CTNNA3: variants seen among roughly 807,000 people sequenced by gnomAD.
CTNNA3 encodes catenin alpha-3.
A neutral mutation model predicts 95.7 loss-of-function variants in CTNNA3; 76 were observed. That is an observed-to-expected ratio of 0.79 (90% confidence interval 0.66 to 0.96). The LOEUF (loss-of-function observed/expected upper bound fraction) is 0.96. Among genes scored for constraint, CTNNA3 ranks in the 40% least tolerant of loss-of-function variants. CTNNA3 has a pLI of 0.00. For synonymous variants in CTNNA3, 431 were observed against 374.4 expected (o/e 1.15, Z -1.74); for missense variants, 1,191 against 1,089.8 (o/e 1.09, Z -1.31).
Position 67,079,462 on chromosome 10 carries a change from G to A in CTNNA3, c.1047+100855C>T, listed in dbSNP as rs536638997. Among the ~76,000 whole-genome samples the A allele has an allele frequency of 3.9e-4, 60 of 152,204 alleles. 1 individual carries two copies. The South Asian group carries it at 4.8e-3, about 12-fold the overall frequency. On this transcript the variant is annotated intron_variant, in intron 7 of 17. Transcript: ENST00000433211. ...AAACCCCAATAAAGCCAATAAATTCGCAAATATCTCCCGAGGATCAGAGGA... is the reference window on the plus strand; with the variant it reads ...AAACCCCAATAAAGCCAATAAATTCACAAATATCTCCCGAGGATCAGAGGA...
intron 1 of CTNNA3, chr10:67,750,618 A>G (rs879218417): frequency 2.5e-5 from 39 of 1,549,920 alleles, no homozygotes; most frequent in Non-Finnish European, 3.3e-5. Context: ...CTTATTCACT[A>G]GCACAGGGAT....
intron 5 of CTNNA3, among the ~76,000 whole-genome samples, chr10:67,221,810 G>C (rs377523511): frequency 3.3e-5 from 5 of 152,112 alleles, no homozygotes; most frequent in South Asian, 2.1e-4. Context: ...TTCTGACCTT[G>C]TGATCCGCCC....
rs369879304 is a variant in CTNNA3 at position 66,838,768 on chromosome 10, G to C, written c.1048-63244C>G. On this transcript the variant is annotated intron_variant, in intron 7 of 17. Transcript: ENST00000433211. ...TTTTTGTTACATTGAATGCATTGAT[G>C]TAGAAGCACTAAGACTTCGCTGAAT... 1.1e-4 allele frequency among the ~76,000 whole-genome samples: 16 copies of C among 152,294 alleles called. No homozygotes were observed. The East Asian group carries it at 2.9e-3, about 28-fold the overall frequency.
At chr10:66,687,371 C>T (rs1026414449) in intron 9 of CTNNA3, among the ~76,000 whole-genome samples, 37 of 152,090 alleles carry the variant, frequency 2.4e-4, no homozygotes, top group Middle Eastern at 3.4e-3. Context: ...TTCTTCTCAG[C>T]GAATTTCATT....
At chr10:65,946,693 T>G (rs576508209) in intron 17 of CTNNA3, among the ~76,000 whole-genome samples, 1 of 152,286 alleles carries the variant, frequency 6.6e-6, no homozygotes, top group East Asian at 1.9e-4. Context: ...CAAATGAAAG[T>G]ACTTTATTTC....
intron 5 of CTNNA3, among the ~76,000 whole-genome samples, chr10:67,429,278 T>A (rs1263712974): frequency 1.3e-5 from 2 of 152,046 alleles, no homozygotes; most frequent in Non-Finnish European, 2.9e-5. Context: ...ATAAAATGAT[T>A]TAGTTTGCAT....
intron 11 of CTNNA3, among the ~76,000 whole-genome samples, chr10:66,462,945 A>G (rs2093539410): frequency 6.6e-6 from 1 of 152,170 alleles, no homozygotes; most frequent in Non-Finnish European, 1.5e-5. Context: ...TCTAAAATTA[A>G]AGTTCAAAAT....
chr10:66,685,583 A>G (rs1847267872), intron 9 of CTNNA3, among the ~76,000 whole-genome samples: 1 of 150,718 alleles, frequency 6.6e-6, no homozygotes, highest in Admixed American at 6.6e-5. Context: ...CATGTTAGCC[A>G]GGATGGTCTC....
rs1037365697 is a variant in CTNNA3, at chr10:67,609,030, C to T, written c.100-1981G>A. On this transcript the variant is annotated intron_variant, in intron 2 of 17. Coordinates refer to ENST00000433211, the MANE Select transcript of CTNNA3 (RefSeq NM_013266.4). ...GCTTGAACCCGGCAGGCAGAGGTTG[C>T]GGTGAGCCGAAATCACGCCATTGCA... Among the ~76,000 whole-genome samples, 5 of 134,120 alleles carry T rather than the reference C, an allele frequency of 3.7e-5. No homozygotes were observed. In the East Asian group the frequency reaches 1.0e-3, roughly 27 times the overall value. The allele number at this position is 134,120 out of a possible 152,430, so 88.0% of individuals were successfully genotyped here. A position where few individuals can be genotyped will look rare whatever the true frequency, so the allele number is the denominator to read the frequency against.
intron 7 of CTNNA3, among the ~76,000 whole-genome samples, chr10:67,093,852 C>T (rs914947025): frequency 6.6e-6 from 1 of 151,934 alleles, no homozygotes; most frequent in African/African-American, 2.4e-5. Flanking sequence ...GGCACTAACA[C>T]AAATTGTCAT....
chr10:67,707,025 T>A (rs1220659909), intron 1 of CTNNA3, among the ~76,000 whole-genome samples: 2 of 152,112 alleles, frequency 1.3e-5, no homozygotes, highest in Non-Finnish European at 2.9e-5. Context: ...CTAGGAGTCA[T>A]CCTTCATTCA....
chr10:66,363,474 G>A (rs1325203114), intron 12 of CTNNA3, among the ~76,000 whole-genome samples: 1 of 152,118 alleles, frequency 6.6e-6, no homozygotes, highest in East Asian at 1.9e-4. Flanking sequence ...GCCAGAAAGA[G>A]GGCCCTCACC....
intron 10 of CTNNA3, among the ~76,000 whole-genome samples, chr10:66,608,320 G>C (rs72799247): frequency 6.6e-6 from 1 of 151,944 alleles, no homozygotes; most frequent in East Asian, 1.9e-4. Flanking sequence ...ATGGCGAAAC[G>C]TCCCATGCTC....
chr10:66,087,792 G>A (rs966182895), intron 14 of CTNNA3, among the ~76,000 whole-genome samples: 1 of 152,032 alleles, frequency 6.6e-6, no homozygotes, highest in Non-Finnish European at 1.5e-5. Flanking sequence ...CAATCCCACT[G>A]GCATATTAGT....
chr10:67,301,765 G>A (rs1324794892), intron 5 of CTNNA3, among the ~76,000 whole-genome samples: 2 of 151,966 alleles, frequency 1.3e-5, no homozygotes, highest in Non-Finnish European at 2.9e-5. Flanking sequence ...TCAGGAGATG[G>A]AGACCATCCT....
chr10:67,648,555 T>TA (rs1839787650), intron 1 of CTNNA3, among the ~76,000 whole-genome samples: 3 of 152,190 alleles, frequency 2.0e-5, no homozygotes, highest in African/African-American at 7.2e-5. Flanking sequence ...ACAAGCCACT[T>TA]ACAGGGTGGC....
intron 12 of CTNNA3, among the ~76,000 whole-genome samples, chr10:66,325,849 G>T (rs2092247461): frequency 6.6e-6 from 1 of 150,990 alleles, no homozygotes; most frequent in Admixed American, 6.6e-5. Flanking sequence ...GAGCAAAAGG[G>T]CAAGACAATG....
intron 15 of CTNNA3, among the ~76,000 whole-genome samples, chr10:66,029,839 G>T (rs997914354): frequency 2.0e-5 from 3 of 152,128 alleles, no homozygotes; most frequent in African/African-American, 7.2e-5. Flanking sequence ...AGTTCTTCAT[G>T]AGTGGCACAC....
chr10:67,360,826 C>T (rs1388901684), intron 5 of CTNNA3, among the ~76,000 whole-genome samples: 1 of 151,982 alleles, frequency 6.6e-6, no homozygotes, highest in Non-Finnish European at 1.5e-5. Flanking sequence ...CATGAGAAAT[C>T]CACCCCCATG....
Sources: gnomAD v4.1 joint callset for allele counts (sites outside exome capture counted in the v4.1 genomes callset) on GRCh38, gnomAD v4.1.1 for gene constraint, MANE v1.5 for transcripts, NCBI Gene and HGNC (gene_info 2026-07-23, HGNC 2026-07-21) for gene names.